AKAP13: variants seen among roughly 807,000 people sequenced by gnomAD.
AKAP13 encodes A-kinase anchoring protein 13, also known as A-kinase anchor protein 13.
A neutral mutation model predicts 264.5 loss-of-function variants in AKAP13; 80 were observed. That is an observed-to-expected ratio of 0.30 (90% CI 0.25 to 0.36). The LOEUF is 0.36. Among genes scored for constraint, AKAP13 ranks in the 10% least tolerant of loss-of-function variants. The pLI is 1.00. For missense variants in AKAP13, 3,712 were observed against 3,435.2 expected (o/e 1.08, Z -2.01); for synonymous variants, 1,380 against 1,250.2 (o/e 1.10, Z -2.19).
Position 85,478,738 on chromosome 15 carries a change from G to A in AKAP13, c.-11-6972G>A, listed in dbSNP as rs1324569984. 9.2e-5 allele frequency among the ~76,000 whole-genome samples: 14 copies of A among 151,852 alleles called. No individual in the cohort carries two copies. The East Asian group carries it at 2.5e-3, about 27-fold the overall frequency. On this transcript the variant is annotated intron_variant, in intron 1 of 36. Coordinates refer to ENST00000394518, the MANE Select transcript of AKAP13 (RefSeq NM_007200.5). The stretch of plus-strand genomic sequence containing the variant: ...CTCGCCTTACCCATTTGGGCTCAGT[G>A]CTTTGTGTTTTGTCTTGGTGGCTAG...
At chr15:85,614,274 A>G (rs536021346) in intron 8 of AKAP13, among the ~76,000 whole-genome samples, 3 of 152,216 alleles carry the variant, frequency 2.0e-5, no homozygotes, top group Non-Finnish European at 4.4e-5. Flanking sequence ...CCATCTTTAA[A>G]TATCTGAAAT....
At chr15:85,729,039 GC>G (rs1477825269) in intron 29 of AKAP13, among the ~76,000 whole-genome samples, 1 of 152,134 alleles carries the variant, frequency 6.6e-6, no homozygotes, top group Non-Finnish European at 1.5e-5. Context: ...GGTGGCTCAT[GC>G]CTGTAATCCC....
chr15:85,397,509 C>T (rs2071176574), intron 1 of AKAP13, among the ~76,000 whole-genome samples: 1 of 152,184 alleles, frequency 6.6e-6, no homozygotes, highest in Non-Finnish European at 1.5e-5. Flanking sequence ...TTTATTCTCT[C>T]CCCTCAGCCT....
intron 5 of AKAP13, among the ~76,000 whole-genome samples, chr15:85,548,753 A>G (rs1251383434): frequency 6.6e-6 from 1 of 152,188 alleles, no homozygotes; most frequent in Non-Finnish European, 1.5e-5. Context: ...CTTGTTTTGT[A>G]ATATTTCTTG....
At chr15:85,446,673 G>A (rs974540041) in intron 1 of AKAP13, among the ~76,000 whole-genome samples, 14 of 150,760 alleles carry the variant, frequency 9.3e-5, no homozygotes, top group African/African-American at 2.4e-4. Flanking sequence ...ATGCCTTTTC[G>A]TCTTCCCCGC....
chr15:85,420,799 T>A (rs1012588012), intron 1 of AKAP13, among the ~76,000 whole-genome samples: 2 of 152,132 alleles, frequency 1.3e-5, no homozygotes, highest in African/African-American at 4.8e-5. Flanking sequence ...TACTTTTTCA[T>A]TGGAAAAAAT....
At chr15:85,465,516 A>C (rs1388395673) in intron 1 of AKAP13, among the ~76,000 whole-genome samples, 3 of 90,308 alleles carry the variant, frequency 3.3e-5, no homozygotes, top group African/African-American at 9.3e-5. Context: ...CCCACCCCAC[A>C]ACAGTCACCA....
chr15:85,576,112 G>T (rs1194490060), intron 6 of AKAP13, among the ~76,000 whole-genome samples: 1 of 152,158 alleles, frequency 6.6e-6, no homozygotes, highest in Non-Finnish European at 1.5e-5. Flanking sequence ...GGACTGAGAG[G>T]TTTTTTTCAT....
intron 10 of AKAP13, among the ~76,000 whole-genome samples, chr15:85,647,010 C>G (rs2082589458): frequency 6.6e-6 from 1 of 152,106 alleles, no homozygotes; most frequent in African/African-American, 2.4e-5. Flanking sequence ...CAACACGGTT[C>G]CTTCTAGTTT....
intron 8 of AKAP13, among the ~76,000 whole-genome samples, chr15:85,633,535 C>CTTTTTTTTTT (rs56687591): frequency 4.5e-4 from 44 of 97,762 alleles, no homozygotes; most frequent in Non-Finnish European, 7.8e-4. Context: ...CTTTTTTTTT[C>CTTTTTTTTTT]TTTTTTTTTT....
At chr15:85,456,740 TG>T in intron 1 of AKAP13, among the ~76,000 whole-genome samples, 1 of 152,222 alleles carries the variant, frequency 6.6e-6, no homozygotes, top group Non-Finnish European at 1.5e-5. Flanking sequence ...TTAGTAGAGA[TG>T]GGGTTTCACC....
intron 2 of AKAP13, among the ~76,000 whole-genome samples, chr15:85,499,140 T>G (rs938424416): frequency 6.6e-6 from 1 of 152,216 alleles, no homozygotes; most frequent in Non-Finnish European, 1.5e-5. Context: ...CTTTTCTTTT[T>G]TAAAGGCTAG....
intron 3 of AKAP13, among the ~76,000 whole-genome samples, chr15:85,529,334 TG>T (rs1359995670): frequency 6.6e-6 from 1 of 152,166 alleles, no homozygotes; most frequent in Non-Finnish European, 1.5e-5. Context: ...GGCAGAAGAA[TG>T]GTGTGAACCC....
intron 2 of AKAP13, among the ~76,000 whole-genome samples, chr15:85,494,857 CTAAG>C (rs1448168491): frequency 1.3e-5 from 2 of 151,144 alleles, no homozygotes; most frequent in Admixed American, 6.6e-5. Flanking sequence ...AACAAATGGG[CTAAG>C]TAAGAGAAAA....
chr15:85,571,591 C>G (rs2078820068), intron 5 of AKAP13, among the ~76,000 whole-genome samples: 1 of 152,232 alleles, frequency 6.6e-6, no homozygotes, highest in South Asian at 2.1e-4. Context: ...CCTTGATCCA[C>G]CACATTTAAA....
chr15:85,501,461 G>C (rs890790202), intron 2 of AKAP13, among the ~76,000 whole-genome samples: 3 of 152,102 alleles, frequency 2.0e-5, no homozygotes, highest in Non-Finnish European at 4.4e-5. Context: ...GGTGAGTATG[G>C]GACGTTGATT....
At chr15:85,559,832 C>T (rs2078296070) in intron 5 of AKAP13, among the ~76,000 whole-genome samples, 1 of 152,124 alleles carries the variant, frequency 6.6e-6, no homozygotes. Flanking sequence ...TAGACTGGTA[C>T]TGGTTTGTGG....
rs777697747 is a variant in AKAP13 at position 85,521,460 on chromosome 15, A to T, written c.66A>T (p.Glu22Asp). 6.2e-7 allele frequency: 1 copy of T among 1,614,086 alleles called. No homozygotes were observed. The highest frequency in any genetic ancestry group is 8.5e-7 in the Non-Finnish European group (1 of 1,179,978). ...GTGTTGTTACAGTGCTGCTTGCTGA[A>T]GAGGACAAAGCTGAAGATGATGTAG... ...GDCVVTVLLA[E>D]EDKAEDDVVF... Residue 22 changes from glutamate to aspartate, a missense_variant, in exon 3 of 37, where the codon GAA becomes GAT. By Grantham distance (45) the Glu-to-Asp change is conservative. Coordinates refer to ENST00000394518, the MANE Select transcript of AKAP13 (RefSeq NM_007200.5).
intron 13 of AKAP13, among the ~76,000 whole-genome samples, chr15:85,665,970 A>G (rs996861613): frequency 3.3e-5 from 5 of 152,208 alleles, no homozygotes; most frequent in South Asian, 4.1e-4. Flanking sequence ...ATTGTTAACA[A>G]TGCCATAATA....
Sources: allele counts gnomAD v4.1 joint callset (sites outside exome capture counted in the v4.1 genomes callset), GRCh38; gene constraint gnomAD v4.1.1; transcripts MANE v1.5; gene names NCBI Gene and HGNC (gene_info 2026-07-23, HGNC 2026-07-21).